The following CREB5 variants were observed in gnomAD, a reference collection of about 807,000 sequenced individuals.
The protein encoded by CREB5 is cAMP responsive element binding protein 5.
Under a neutral mutation model 57.1 loss-of-function variants are expected in CREB5, and 19 were observed. The observed-to-expected ratio is 0.33, with a 90% CI of 0.23 to 0.49. CREB5 has a LOEUF of 0.49. Among genes scored for constraint, CREB5 ranks in the 20% least tolerant of loss-of-function variants. CREB5 has a pLI of 0.99. For missense variants in CREB5, 579 were observed against 671.6 expected, an observed-to-expected ratio of 0.86 and a Z score of 1.52; for synonymous variants, 238 against 238.3, an observed-to-expected ratio of 1.00 and a Z score of 0.01.
intron 1 of CREB5, among the ~76,000 whole-genome samples, chr7:28,439,378 C>T (rs1214228621): frequency 6.6e-6 from 1 of 152,202 alleles, no homozygotes; most frequent in African/African-American, 2.4e-5. Context: ...TTGCAAACTA[C>T]CAGACCTTTC....
intron 5 of CREB5, among the ~76,000 whole-genome samples, chr7:28,670,361 G>C (rs1379913798): frequency 6.6e-6 from 1 of 152,204 alleles, no homozygotes; most frequent in Non-Finnish European, 1.5e-5. Flanking sequence ...TTGACTGCAG[G>C]TAACTGAAAC....
intron 7 of CREB5, among the ~76,000 whole-genome samples, chr7:28,746,991 T>G (rs1345102551): frequency 6.6e-6 from 1 of 152,210 alleles, no homozygotes; most frequent in African/African-American, 2.4e-5. Flanking sequence ...CAGATTCTTT[T>G]CTTCCCCCTC....
At chr7:28,739,499 G>A (rs975948823) in intron 7 of CREB5, among the ~76,000 whole-genome samples, 22 of 152,188 alleles carry the variant, frequency 1.4e-4, no homozygotes, top group Non-Finnish European at 2.9e-5. Context: ...AAAAACATAT[G>A]TATTTATTCA....
chr7:28,536,117 C>T (rs557561384), intron 4 of CREB5, among the ~76,000 whole-genome samples: 4 of 152,282 alleles, frequency 2.6e-5, no homozygotes, highest in South Asian at 4.2e-4. Flanking sequence ...AGAGAAAACA[C>T]GCTGTCTGCC....
At chr7:28,366,173 A>G (rs920326001) in intron 1 of CREB5, among the ~76,000 whole-genome samples, 1 of 152,094 alleles carries the variant, frequency 6.6e-6, no homozygotes, top group African/African-American at 2.4e-5. Context: ...CACTCCACCA[A>G]CTTCTCTGCA....
At chr7:28,431,236 AG>A (rs1788699667) in intron 1 of CREB5, among the ~76,000 whole-genome samples, 1 of 152,246 alleles carries the variant, frequency 6.6e-6, no homozygotes, top group Admixed American at 6.5e-5. Flanking sequence ...ACCTATGGCA[AG>A]AAGAAGATGT....
intron 1 of CREB5, among the ~76,000 whole-genome samples, chr7:28,418,541 C>T (rs916277880): frequency 2.2e-4 from 33 of 152,162 alleles, no homozygotes; most frequent in African/African-American, 8.0e-4. Flanking sequence ...TTATCCCCTG[C>T]AGAGCCATCT....
At chr7:28,445,157 T>C (rs1345025649) in intron 1 of CREB5, among the ~76,000 whole-genome samples, 2 of 152,206 alleles carry the variant, frequency 1.3e-5, no homozygotes, top group Admixed American at 6.5e-5. Flanking sequence ...CTCCTTCACT[T>C]TCTGCCATGA....
chr7:28,531,076 A>T (rs896733179), intron 4 of CREB5, among the ~76,000 whole-genome samples: 1 of 152,022 alleles, frequency 6.6e-6, no homozygotes, highest in Non-Finnish European at 1.5e-5. Context: ...GGCGGGGAAG[A>T]GGCACAATAT....
At chr7:28,334,303 G>A (rs1295743322) in intron 1 of CREB5, among the ~76,000 whole-genome samples, 1 of 151,986 alleles carries the variant, frequency 6.6e-6, no homozygotes, top group East Asian at 1.9e-4. Context: ...TTACAGGCAT[G>A]TACCACCATG....
At chr7:28,427,934 A>T (rs1204763665) in intron 1 of CREB5, among the ~76,000 whole-genome samples, 1 of 152,210 alleles carries the variant, frequency 6.6e-6, no homozygotes, top group Non-Finnish European at 1.5e-5. Context: ...CCAAACAAAC[A>T]AAATCTCCAC....
At chr7:28,732,305 C>T (rs957074082) in intron 7 of CREB5, among the ~76,000 whole-genome samples, 6 of 152,148 alleles carry the variant, frequency 3.9e-5, no homozygotes, top group Admixed American at 3.9e-4. Context: ...TATTTGCTAG[C>T]TGCCTCTGTC....
chr7:28,470,172 TCTAA>T (rs1790747280), intron 1 of CREB5, among the ~76,000 whole-genome samples: 1 of 152,206 alleles, frequency 6.6e-6, no homozygotes, highest in South Asian at 2.1e-4. Context: ...ATTCATTCAT[TCTAA>T]CTATTTTTTT....
At chr7:28,365,487 C>T (rs995265936) in intron 1 of CREB5, among the ~76,000 whole-genome samples, 3 of 152,204 alleles carry the variant, frequency 2.0e-5, no homozygotes, top group Admixed American at 1.3e-4. Context: ...TTCCCATCAG[C>T]AAACAAAGGC....
intron 1 of CREB5, among the ~76,000 whole-genome samples, chr7:28,360,743 A>G (rs1004424685): frequency 2.6e-5 from 4 of 152,234 alleles, no homozygotes; most frequent in African/African-American, 9.6e-5. Context: ...ATGTAATAAC[A>G]CTTAAAAAAT....
intron 7 of CREB5, among the ~76,000 whole-genome samples, chr7:28,757,181 C>T (rs1477030476): frequency 1.3e-5 from 2 of 152,180 alleles, no homozygotes; most frequent in Non-Finnish European, 2.9e-5. Flanking sequence ...GTATATGAGA[C>T]ATCTGCTAAT....
chr7:28,410,071 GGC>G (rs1240600739), upstream of CREB5: 1 of 405,312 alleles, frequency 2.5e-6, no homozygotes, highest in Non-Finnish European at 4.9e-6. Flanking sequence ...GGGGCGGGTG[GGC>G]GCGCGCGCAG....
chr7:28,345,311 C>A, intron 1 of CREB5, among the ~76,000 whole-genome samples: 1 of 149,618 alleles, frequency 6.7e-6, no homozygotes, highest in Non-Finnish European at 1.5e-5. Flanking sequence ...CTGAGTGTGA[C>A]AACTAACACA....
At chr7:28,543,487 C>A (rs1182470080) in intron 4 of CREB5, among the ~76,000 whole-genome samples, 1 of 149,998 alleles carries the variant, frequency 6.7e-6, no homozygotes, top group Non-Finnish European at 1.5e-5. Context: ...TCCTAGGCAT[C>A]TGTCCATATC....
Sources: gnomAD v4.1 joint callset for allele counts (sites outside exome capture counted in the v4.1 genomes callset) on GRCh38, gnomAD v4.1.1 for gene constraint, MANE v1.5 for transcripts, NCBI Gene and HGNC (gene_info 2026-07-23, HGNC 2026-07-21) for gene names.